LRRTM4: variants seen among roughly 807,000 people sequenced by gnomAD.
LRRTM4 encodes leucine rich repeat transmembrane neuronal 4, also known as leucine-rich repeat transmembrane neuronal protein 4.
Under a neutral mutation model 47.6 loss-of-function variants are expected in LRRTM4, and 25 were observed. The observed-to-expected ratio is 0.53, with a 90% confidence interval of 0.38 to 0.73. The LOEUF is 0.73. Among genes scored for constraint, LRRTM4 ranks in the 30% least tolerant of loss-of-function variants. LRRTM4 has a pLI of 0.00. For synonymous variants in LRRTM4, 311 were observed against 269.5 expected, an observed-to-expected ratio of 1.15 and a Z score of -1.51; for missense variants, 638 against 713.4, an observed-to-expected ratio of 0.89 and a Z score of 1.20.
At chr2:77,369,798 T>C (rs1672595424) in intron 3 of LRRTM4, among the ~76,000 whole-genome samples, 1 of 151,786 alleles carries the variant, frequency 6.6e-6, no homozygotes. Context: ...CCTCTTACTA[T>C]ACTGAATACT....
intron 3 of LRRTM4, among the ~76,000 whole-genome samples, chr2:77,503,274 T>G (rs2104082094): frequency 6.6e-6 from 1 of 151,698 alleles, no homozygotes; most frequent in Non-Finnish European, 1.5e-5. Context: ...AATTTGAGAT[T>G]TATTTAGGAG....
At chr2:77,178,883 A>T (rs1673272614) in intron 3 of LRRTM4, among the ~76,000 whole-genome samples, 1 of 152,210 alleles carries the variant, frequency 6.6e-6, no homozygotes, top group African/African-American at 2.4e-5. Flanking sequence ...TTGCTCTCAA[A>T]AAAGGTGTGG....
intron 3 of LRRTM4, among the ~76,000 whole-genome samples, chr2:77,473,562 C>A (rs1222417192): frequency 6.6e-6 from 1 of 152,048 alleles, no homozygotes; most frequent in African/African-American, 2.4e-5. Flanking sequence ...ACCATTGACC[C>A]AGTTGCAGCT....
chr2:76,807,930 TTC>T (rs1670590359), intron 3 of LRRTM4, among the ~76,000 whole-genome samples: 1 of 125,060 alleles, frequency 8.0e-6, no homozygotes, highest in African/African-American at 3.4e-5. Flanking sequence ...TTTCTTTCCT[TTC>T]CTTTCTTTCT....
intron 3 of LRRTM4, among the ~76,000 whole-genome samples, chr2:76,782,381 G>A (rs949896063): frequency 1.3e-5 from 2 of 152,132 alleles, no homozygotes; most frequent in Non-Finnish European, 2.9e-5. Context: ...CTTGGGAGAA[G>A]TTCCAGTATA....
chr2:77,204,462 A>G (rs952500922), intron 3 of LRRTM4, among the ~76,000 whole-genome samples: 7 of 152,072 alleles, frequency 4.6e-5, no homozygotes, highest in African/African-American at 1.7e-4. Flanking sequence ...AAATAGAATG[A>G]AGCATTTTAA....
At chr2:76,951,370 A>G (rs562620361) in intron 3 of LRRTM4, among the ~76,000 whole-genome samples, 1 of 152,112 alleles carries the variant, frequency 6.6e-6, no homozygotes, top group South Asian at 2.1e-4. Context: ...CGGAGTCTAT[A>G]AAAAAACAAT....
intron 3 of LRRTM4, among the ~76,000 whole-genome samples, chr2:77,431,181 T>C (rs1675363204): frequency 1.3e-5 from 2 of 149,122 alleles, no homozygotes; most frequent in South Asian, 2.1e-4. Flanking sequence ...TCTTCTCGTC[T>C]ATCTCTATCT....
rs768092350 is a variant in LRRTM4, at chr2:76,967,072, AACATC to A, written c.1552-218161_1552-218157del. On this transcript the variant is annotated intron_variant, in intron 3 of 3. Coordinates refer to ENST00000409884, the MANE Select transcript of LRRTM4 (RefSeq NM_001134745.3). ...TCCTAAGTCACTATTTCCATCACAT[AACATC>A]ACATGTTTACTGTCTTGTAGCTGTT... Among the ~76,000 whole-genome samples, 100 of 151,600 alleles carry A rather than the reference AACATC, an allele frequency of 6.6e-4. 1 individual carries two copies. The highest frequency in any genetic ancestry group is 1.3e-3 in the Non-Finnish European group (85 of 67,654).
intron 3 of LRRTM4, among the ~76,000 whole-genome samples, chr2:76,882,629 C>T (rs1315536351): frequency 6.6e-6 from 1 of 152,030 alleles, no homozygotes; most frequent in Non-Finnish European, 1.5e-5. Flanking sequence ...CTACTAGTAG[C>T]CAACTAGTCA....
intron 3 of LRRTM4, among the ~76,000 whole-genome samples, chr2:77,162,226 G>C (rs565853750): frequency 6.6e-6 from 1 of 152,308 alleles, no homozygotes; most frequent in African/African-American, 2.4e-5. Flanking sequence ...CTCACTGCTA[G>C]TACAGCAGTC....
At chr2:77,349,705 T>G (rs1234462913) in intron 3 of LRRTM4, among the ~76,000 whole-genome samples, 1 of 152,096 alleles carries the variant, frequency 6.6e-6, no homozygotes, top group East Asian at 1.9e-4. Context: ...GTCAAATCCA[T>G]ATAGAAGTTG....
At chr2:77,283,905 G>A (rs190187398) in intron 3 of LRRTM4, among the ~76,000 whole-genome samples, 22 of 152,030 alleles carry the variant, frequency 1.4e-4, no homozygotes, top group African/African-American at 4.8e-4. Flanking sequence ...GGTCATTTGT[G>A]CCCCAAACCT....
intron 3 of LRRTM4, among the ~76,000 whole-genome samples, chr2:77,124,123 G>C (rs920604302): frequency 3.3e-5 from 5 of 152,056 alleles, no homozygotes; most frequent in African/African-American, 9.7e-5. Flanking sequence ...TAAAGCCATA[G>C]AGATTAGAAA....
intron 3 of LRRTM4, among the ~76,000 whole-genome samples, chr2:77,505,039 A>G (rs1034495794): frequency 2.6e-5 from 4 of 151,372 alleles, no homozygotes; most frequent in African/African-American, 9.7e-5. Flanking sequence ...AAGATAAATT[A>G]TTAAATATAA....
rs1355205053 is a variant in LRRTM4, at chr2:76,942,491, A to T, written c.1552-193575T>A. On this transcript the variant is annotated intron_variant, in intron 3 of 3. Transcript: ENST00000409884. The stretch of plus-strand genomic sequence containing the variant: ...CTGATGCTTAAACTTCTGTGCTAAC[A>T]TTTTTTTTTTTTTTTTGCGATAAAA... Among the ~76,000 whole-genome samples the T allele has an allele frequency of 1.8e-4, 25 of 142,644 alleles. No homozygotes were observed. In the East Asian group the frequency reaches 2.0e-3, roughly 12 times the overall value. The allele number at this position is 142,644 out of a possible 152,430, so 93.6% of individuals were successfully genotyped here.
chr2:76,955,693 G>T (rs1675648958), intron 3 of LRRTM4, among the ~76,000 whole-genome samples: 1 of 151,638 alleles, frequency 6.6e-6, no homozygotes, highest in South Asian at 2.1e-4. Context: ...TGGAATTAAT[G>T]ACCACCTAAA....
At chr2:77,203,100 TATATACACACACATATATAC>T (rs1490371480) in intron 3 of LRRTM4, among the ~76,000 whole-genome samples, 1 of 151,914 alleles carries the variant, frequency 6.6e-6, no homozygotes, top group Non-Finnish European at 1.5e-5. Flanking sequence ...TAAATATATA[TATATACACACACATATATAC>T]ATATGTGTGT....
At chr2:77,019,430 T>C (rs986911664) in intron 3 of LRRTM4, among the ~76,000 whole-genome samples, 2 of 152,104 alleles carry the variant, frequency 1.3e-5, no homozygotes, top group Non-Finnish European at 2.9e-5. Context: ...CACAAATTTC[T>C]AACTTTCTAT....
Sources: gnomAD v4.1 joint callset for allele counts (sites outside exome capture counted in the v4.1 genomes callset) on GRCh38, gnomAD v4.1.1 for gene constraint, MANE v1.5 for transcripts, NCBI Gene and HGNC (gene_info 2026-07-23, HGNC 2026-07-21) for gene names.